KDM4C: variants seen among roughly 807,000 people sequenced by gnomAD.
The protein encoded by KDM4C is lysine-specific demethylase 4C.
A neutral mutation model predicts 129.3 loss-of-function variants in KDM4C; 81 were observed. The ratio of observed to expected loss-of-function variants is 0.63; its 90% CI spans 0.52 to 0.75. The LOEUF is 0.75. Among genes scored for constraint, KDM4C ranks in the 30% least tolerant of loss-of-function variants. The pLI is 0.00. For missense variants in KDM4C, 1,457 were observed against 1,304.0 expected, an observed-to-expected ratio of 1.12 and a Z score of -1.81; for synonymous variants, 573 against 456.1, an observed-to-expected ratio of 1.26 and a Z score of -3.26.
At chr9:6,936,866 A>G (rs1481360434) in intron 8 of KDM4C, among the ~76,000 whole-genome samples, 1 of 152,202 alleles carries the variant, frequency 6.6e-6, no homozygotes. Context: ...CCTCCCCTAC[A>G]GAGCTAGAGG....
At chr9:7,091,105 A>G (rs1241724658) in intron 17 of KDM4C, among the ~76,000 whole-genome samples, 2 of 152,090 alleles carry the variant, frequency 1.3e-5, no homozygotes, top group Non-Finnish European at 2.9e-5. Context: ...TTTTAATCTG[A>G]TCTTCTGTTG....
At chr9:7,000,956 A>G (rs566477148) in intron 12 of KDM4C, among the ~76,000 whole-genome samples, 2 of 152,336 alleles carry the variant, frequency 1.3e-5, no homozygotes, top group African/African-American at 2.4e-5. Flanking sequence ...CCGCTGGCCA[A>G]TGAAAACTTA....
At chr9:6,988,131 G>GT (rs1160514179) in intron 11 of KDM4C, among the ~76,000 whole-genome samples, 6 of 142,210 alleles carry the variant, frequency 4.2e-5, no homozygotes, top group African/African-American at 1.3e-4. Context: ...CTCTAGCCTG[G>GT]GTGACAGAGT....
chr9:6,939,007 T>A (rs1252329792), intron 8 of KDM4C, among the ~76,000 whole-genome samples: 1 of 151,878 alleles, frequency 6.6e-6, no homozygotes, highest in Non-Finnish European at 1.5e-5. Flanking sequence ...ATGTTAAAGA[T>A]TGTAAACATT....
At chr9:6,995,915 A>ACCTG (rs1819642276) in intron 12 of KDM4C, among the ~76,000 whole-genome samples, 1 of 152,020 alleles carries the variant, frequency 6.6e-6, no homozygotes, top group Non-Finnish European at 1.5e-5. Context: ...TGATCTGCCC[A>ACCTG]CCTCGGCCTC....
chr9:6,841,125 T>G (rs567565505), intron 4 of KDM4C, among the ~76,000 whole-genome samples: 2 of 152,342 alleles, frequency 1.3e-5, no homozygotes, highest in South Asian at 4.1e-4. Context: ...TCTTACAGAA[T>G]CTAGGTGGCA....
intron 8 of KDM4C, among the ~76,000 whole-genome samples, chr9:6,920,945 A>G (rs1821390916): frequency 6.6e-6 from 1 of 152,160 alleles, no homozygotes; most frequent in Admixed American, 6.5e-5. Context: ...ACCAAATTAT[A>G]TTATTTAAAA....
intron 18 of KDM4C, among the ~76,000 whole-genome samples, chr9:7,116,993 C>T (rs1172167945): frequency 6.6e-6 from 1 of 152,100 alleles, no homozygotes; most frequent in African/African-American, 2.4e-5. Context: ...TATAGTTACA[C>T]GTAGTACATT....
chr9:7,157,398 G>A (rs564230191), intron 19 of KDM4C, among the ~76,000 whole-genome samples: 1 of 152,294 alleles, frequency 6.6e-6, no homozygotes, highest in East Asian at 1.9e-4. Context: ...ATCTTGAATA[G>A]GAGTGGTGAG....
chr9:6,779,145 C>T (rs1316267526), intron 1 of KDM4C, among the ~76,000 whole-genome samples: 1 of 150,510 alleles, frequency 6.6e-6, no homozygotes, highest in Non-Finnish European at 1.5e-5. Flanking sequence ...TCTCCTGCCT[C>T]AGCCTCCCGA....
intron 18 of KDM4C, among the ~76,000 whole-genome samples, chr9:7,119,183 T>C (rs140899000): frequency 7.9e-5 from 12 of 152,270 alleles, no homozygotes; most frequent in African/African-American, 2.6e-4. Context: ...TGAGTTTCAT[T>C]TCATTACTGT....
intron 8 of KDM4C, among the ~76,000 whole-genome samples, chr9:6,912,375 GAGA>G (rs1819482284): frequency 6.6e-6 from 1 of 152,170 alleles, no homozygotes; most frequent in Non-Finnish European, 1.5e-5. Flanking sequence ...AAGACTGCTG[GAGA>G]AGATGTACAC....
At chr9:6,930,424 T>C (rs969169901) in intron 8 of KDM4C, among the ~76,000 whole-genome samples, 1 of 149,708 alleles carries the variant, frequency 6.7e-6, no homozygotes, top group Non-Finnish European at 1.5e-5. Context: ...GCGTTGAATT[T>C]AGTGGCAGTT....
At chr9:6,891,531 C>G (rs1354557926) in intron 7 of KDM4C, among the ~76,000 whole-genome samples, 1 of 151,962 alleles carries the variant, frequency 6.6e-6, no homozygotes, top group African/African-American at 2.4e-5. Context: ...GGGATGACAG[C>G]TAAAGGGTGA....
In KDM4C at chr9:7,132,037, G is replaced by A. The variant is rs939434319; in HGVS notation, c.2781+3801G>A. On this transcript the variant is annotated intron_variant, in intron 19 of 21. Transcript: ENST00000381309. The stretch of plus-strand genomic sequence containing the variant: ...TCATCAAATGTAGTGTGACCCCAAT[G>A]TTACTGGCTACTGAAGAACTAGTTC... 2.3e-4 allele frequency among the ~76,000 whole-genome samples: 35 copies of A among 152,216 alleles called. 1 individual carries two copies. The highest frequency in any genetic ancestry group is 5.5e-4 in the African/African-American group (23 of 41,454).
chr9:6,984,495 G>T, intron 10 of KDM4C, 91 bp downstream of exon 10: 1 of 809,866 alleles, frequency 1.2e-6, no homozygotes, highest in Non-Finnish European at 2.1e-6. Flanking sequence ...ACAAGTATCT[G>T]ACTAGTCCAC....
At chr9:6,952,587 C>G (rs902445090) in intron 8 of KDM4C, among the ~76,000 whole-genome samples, 1 of 151,952 alleles carries the variant, frequency 6.6e-6, no homozygotes, top group Admixed American at 6.6e-5. Context: ...ATTACAGGCA[C>G]CCACAACCAC....
chr9:7,065,428 T>C (rs1832287998), intron 17 of KDM4C, among the ~76,000 whole-genome samples: 1 of 152,164 alleles, frequency 6.6e-6, no homozygotes, highest in South Asian at 2.1e-4. Context: ...CCTAGAGCCA[T>C]CTGTTGCTTA....
At chr9:6,769,453 A>G (rs946715702) in intron 1 of KDM4C, among the ~76,000 whole-genome samples, 20 of 152,060 alleles carry the variant, frequency 1.3e-4, no homozygotes, top group African/African-American at 4.6e-4. Context: ...CATTGCACCT[A>G]TTTGCTGTTT....
Sources: gnomAD v4.1 joint callset for allele counts (sites outside exome capture counted in the v4.1 genomes callset) on GRCh38, gnomAD v4.1.1 for gene constraint, MANE v1.5 for transcripts, NCBI Gene and HGNC (gene_info 2026-07-23, HGNC 2026-07-21) for gene names.